The following CNTN5 variants were observed in gnomAD, a reference collection of about 807,000 sequenced individuals.
CNTN5 encodes the protein contactin-5.
In CNTN5, 77 loss-of-function variants were observed where a neutral mutation model predicts 129.1. The observed-to-expected ratio is 0.60, with a 90% confidence interval of 0.50 to 0.72. The LOEUF is 0.72. Ranked by LOEUF, CNTN5 falls within the 30% of genes least tolerant of loss-of-function variation. CNTN5 has a pLI of 0.00. For missense variants in CNTN5, 1,478 were observed against 1,328.8 expected (o/e 1.11, Z -1.75); for synonymous variants, 509 against 465.6 (o/e 1.09, Z -1.20).
chr11:99,029,390 T>C (rs1455540722), intron 1 of CNTN5, among the ~76,000 whole-genome samples: 1 of 152,004 alleles, frequency 6.6e-6, no homozygotes, highest in African/African-American at 2.4e-5. Flanking sequence ...CATATGCTTT[T>C]GGGGATTCAA....
intron 7 of CNTN5, among the ~76,000 whole-genome samples, chr11:99,943,624 A>G (rs546236329): frequency 6.6e-6 from 1 of 152,000 alleles, no homozygotes; most frequent in African/African-American, 2.4e-5. Flanking sequence ...TATGTCCTGA[A>G]TGATATTGCC....
intron 1 of CNTN5, among the ~76,000 whole-genome samples, chr11:99,116,924 G>T (rs1463654877): frequency 6.6e-6 from 1 of 152,114 alleles, no homozygotes; most frequent in African/African-American, 2.4e-5. Context: ...TATTTGTTCT[G>T]GGATGTAATT....
chr11:99,826,515 G>C (rs1222217541), intron 4 of CNTN5, among the ~76,000 whole-genome samples: 6 of 152,146 alleles, frequency 3.9e-5, no homozygotes, highest in Non-Finnish European at 8.8e-5. Flanking sequence ...TGGTAACATA[G>C]AATAGAGGCA....
intron 15 of CNTN5, among the ~76,000 whole-genome samples, chr11:100,205,451 T>A (rs367870708): frequency 5.9e-5 from 9 of 152,050 alleles, no homozygotes; most frequent in African/African-American, 2.2e-4. Flanking sequence ...AAAAGACTAT[T>A]GGACTATTAT....
chr11:100,003,066 A>G (rs1194818333), intron 9 of CNTN5, among the ~76,000 whole-genome samples: 1 of 152,152 alleles, frequency 6.6e-6, no homozygotes, highest in African/African-American at 2.4e-5. Context: ...AAATATGACA[A>G]AAAATCAGCT....
intron 1 of CNTN5, among the ~76,000 whole-genome samples, chr11:99,146,041 A>G (rs1360519532): frequency 6.6e-6 from 1 of 152,090 alleles, no homozygotes; most frequent in Non-Finnish European, 1.5e-5. Flanking sequence ...AGTTTATTTT[A>G]CATATAAACT....
At chr11:100,146,001 T>C (rs905491566) in intron 13 of CNTN5, among the ~76,000 whole-genome samples, 1 of 152,224 alleles carries the variant, frequency 6.6e-6, no homozygotes, top group Non-Finnish European at 1.5e-5. Flanking sequence ...ATGTGTGAGA[T>C]ATTTCAGGAT....
chr11:99,297,579 A>G (rs547592968), intron 1 of CNTN5, among the ~76,000 whole-genome samples: 14 of 152,316 alleles, frequency 9.2e-5, no homozygotes, highest in African/African-American at 3.4e-4. Context: ...ATTCCACTGT[A>G]AGTTATCATT....
At chr11:99,244,961 T>C (rs1300422480) in intron 1 of CNTN5, among the ~76,000 whole-genome samples, 1 of 152,204 alleles carries the variant, frequency 6.6e-6, no homozygotes, top group Non-Finnish European at 1.5e-5. Context: ...GAATTATTAA[T>C]TGTGAATCTG....
intron 18 of CNTN5, among the ~76,000 whole-genome samples, chr11:100,277,374 T>G (rs1950537201): frequency 6.6e-6 from 1 of 152,148 alleles, no homozygotes; most frequent in African/African-American, 2.4e-5. Flanking sequence ...GTAGCTCTAT[T>G]TTTAGTTTTC....
chr11:100,161,830 TACACACACACACACACACAC>T (rs71050053), intron 13 of CNTN5, among the ~76,000 whole-genome samples: 58 of 125,890 alleles, frequency 4.6e-4, no homozygotes, highest in African/African-American at 1.6e-3. Context: ...TGGAGCTTCC[TACACACACACACACACACAC>T]ACACACACAC....
At chr11:99,395,393 TG>T (rs1941468942) in intron 2 of CNTN5, among the ~76,000 whole-genome samples, 1 of 151,856 alleles carries the variant, frequency 6.6e-6, no homozygotes, top group Non-Finnish European at 1.5e-5. Flanking sequence ...TATTGTTTGT[TG>T]GTTTTCTTGT....
At chr11:99,846,734 C>G (rs2135706073) in intron 6 of CNTN5, among the ~76,000 whole-genome samples, 1 of 151,882 alleles carries the variant, frequency 6.6e-6, no homozygotes, top group African/African-American at 2.4e-5. Context: ...TTCAGACACC[C>G]TATTAAAGAA....
intron 1 of CNTN5, among the ~76,000 whole-genome samples, chr11:99,050,809 C>T (rs1047796359): frequency 1.3e-5 from 2 of 151,876 alleles, no homozygotes; most frequent in Non-Finnish European, 2.9e-5. Context: ...TTTTCATATA[C>T]AATAATACTT....
At chr11:99,817,854 TC>T (rs79263117) in intron 3 of CNTN5, among the ~76,000 whole-genome samples, 10,916 of 143,336 alleles carry the variant, frequency 0.076, 506 homozygotes, top group Non-Finnish European at 0.095. Flanking sequence ...TTAACTCTTT[TC>T]AGTTAAAATT....
chr11:99,862,512 G>GA (rs1948239057), intron 6 of CNTN5, among the ~76,000 whole-genome samples: 1 of 151,766 alleles, frequency 6.6e-6, no homozygotes, highest in East Asian at 1.9e-4. Flanking sequence ...CAAAGGAGTA[G>GA]AAAAAACAAC....
intron 1 of CNTN5, among the ~76,000 whole-genome samples, chr11:99,097,138 T>C (rs1330302373): frequency 1.4e-4 from 22 of 151,920 alleles, no homozygotes; most frequent in Admixed American, 1.4e-3. Context: ...TAGATAAATA[T>C]CATAAAGAAA....
chr11:99,555,992 C>T, intron 2 of CNTN5, 153 bp from the exon 3 acceptor site: 1 of 365,352 alleles, frequency 2.7e-6, no homozygotes, highest in Admixed American at 4.6e-5. Context: ...CTAACAGAAA[C>T]TGTATTATTG....
chr11:99,340,383 A>G (rs959827958), intron 2 of CNTN5, among the ~76,000 whole-genome samples: 8 of 152,192 alleles, frequency 5.3e-5, no homozygotes, highest in African/African-American at 1.4e-4. Flanking sequence ...AAGACAGGAA[A>G]AGTAAGGATT....
Sources: gnomAD v4.1 joint callset for allele counts (sites outside exome capture counted in the v4.1 genomes callset) on GRCh38, gnomAD v4.1.1 for gene constraint, MANE v1.5 for transcripts, NCBI Gene and HGNC (gene_info 2026-07-23, HGNC 2026-07-21) for gene names.